Variants in DPYS observed in about 807,000 individuals in gnomAD.
The protein encoded by DPYS is dihydropyrimidinase, also known as dihydropyrimidine amidohydrolase.
Under a neutral mutation model 50.3 loss-of-function variants are expected in DPYS, and 39 were observed. The ratio of observed to expected loss-of-function variants is 0.78; its 90% CI spans 0.60 to 1.01. The LOEUF (loss-of-function observed/expected upper bound fraction) is 1.01. DPYS is among the 50% of genes least tolerant of loss of function. The pLI is 0.00. For synonymous variants in DPYS, 245 were observed against 250.7 expected, an observed-to-expected ratio of 0.98 and a Z score of 0.22; for missense variants, 659 against 680.9, an observed-to-expected ratio of 0.97 and a Z score of 0.36.
At chr8:104,436,727 GT>G (rs777466422) in intron 4 of DPYS, among the ~76,000 whole-genome samples, 2 of 152,092 alleles carry the variant, frequency 1.3e-5, no homozygotes, top group Non-Finnish European at 2.9e-5. Context: ...GAGCCCAATG[GT>G]TCATGCCTGT....
At chr8:104,390,395 T>C (rs1267337071) in intron 8 of DPYS, among the ~76,000 whole-genome samples, 2 of 152,192 alleles carry the variant, frequency 1.3e-5, no homozygotes, top group African/African-American at 2.4e-5. Flanking sequence ...AAGGATAAAG[T>C]TTTTGGAATC....
Position 104,451,342 on chromosome 8 carries a change from G to T in DPYS, c.327C>A (p.Ser109=). 1 of 1,614,142 alleles carries T rather than the reference G, an allele frequency of 6.2e-7. No homozygotes were observed. ...GCCAGGTCTCGAAGGCCTCAATGAG[G>T]GAGCCACCTTTCTGAGGAATGGCGA... ...IDFAIPQKGG[S]LIEAFETWRS... The change falls in exon 2 of 10, where the codon TCC becomes TCA. Residue 109 remains serine, a synonymous_variant. Transcript: ENST00000351513.
chr8:104,426,046 T>TC (rs1157975764), intron 6 of DPYS, among the ~76,000 whole-genome samples: 1 of 152,120 alleles, frequency 6.6e-6, no homozygotes, highest in Admixed American at 6.6e-5. Flanking sequence ...AAACAGAAGT[T>TC]CAAGTGGAAG....
At chr8:104,462,048 G>T (rs557874237) in intron 1 of DPYS, among the ~76,000 whole-genome samples, 28 of 151,988 alleles carry the variant, frequency 1.8e-4, no homozygotes, top group African/African-American at 6.3e-4. Context: ...TTTCTTTTTT[G>T]AAAAAGCAGT....
intron 7 of DPYS, among the ~76,000 whole-genome samples, chr8:104,408,021 C>A (rs922809167): frequency 6.6e-6 from 1 of 152,138 alleles, no homozygotes; most frequent in Admixed American, 6.5e-5. Context: ...GTTTATCATA[C>A]ACTCATTCAT....
At chr8:104,458,036 G>A (rs984351480) in intron 1 of DPYS, among the ~76,000 whole-genome samples, 2 of 152,134 alleles carry the variant, frequency 1.3e-5, no homozygotes, top group Admixed American at 6.5e-5. Context: ...GAAGAAATGA[G>A]AAGGGAGGGA....
intron 7 of DPYS, among the ~76,000 whole-genome samples, chr8:104,402,830 G>A (rs1811864825): frequency 6.6e-6 from 1 of 152,182 alleles, no homozygotes; most frequent in Non-Finnish European, 1.5e-5. Flanking sequence ...CTGGGAAGGT[G>A]ATCACATCCA....
At chr8:104,433,638 A>G (rs1227845560) in intron 4 of DPYS, among the ~76,000 whole-genome samples, 1 of 152,176 alleles carries the variant, frequency 6.6e-6, no homozygotes, top group Non-Finnish European at 1.5e-5. Context: ...TTTTTCCAAA[A>G]AAAAGAGAAG....
intron 7 of DPYS, among the ~76,000 whole-genome samples, chr8:104,417,932 G>GA (rs1812420036): frequency 6.6e-6 from 1 of 152,092 alleles, no homozygotes; most frequent in South Asian, 2.1e-4. Context: ...GATTTAAAAG[G>GA]AAAAAATAAG....
chr8:104,409,875 C>T (rs1812116398), intron 7 of DPYS, among the ~76,000 whole-genome samples: 2 of 152,190 alleles, frequency 1.3e-5, no homozygotes, highest in African/African-American at 4.8e-5. Context: ...GTCCTGCAGC[C>T]AGTACTGGCA....
At chr8:104,411,539 A>G (rs1812175605) in intron 7 of DPYS, among the ~76,000 whole-genome samples, 1 of 152,240 alleles carries the variant, frequency 6.6e-6, no homozygotes, top group Non-Finnish European at 1.5e-5. Flanking sequence ...ATATAACAAA[A>G]ACGTGAAGAA....
intron 4 of DPYS, among the ~76,000 whole-genome samples, chr8:104,435,338 A>C (rs1813101436): frequency 6.6e-6 from 1 of 152,102 alleles, no homozygotes; most frequent in Non-Finnish European, 1.5e-5. Context: ...GCTATGGAGC[A>C]AGGGAGACAA....
At position 104,466,974 on chromosome 8, in the gene DPYS, T is replaced by TG; in HGVS notation, c.-55dup. 6 of 921,788 alleles carry TG rather than the reference T, an allele frequency of 6.5e-6. No individual in the cohort carries two copies. Among genetic ancestry groups the TG allele is most frequent in the Non-Finnish European group, 8.6e-6 (6 of 699,800 alleles). The allele number at this position is 921,788 out of a possible 1,614,324, so 57.1% of individuals were successfully genotyped here. ...CCCGGGCTGCGCGCAGGGGCTGGGT[T>TG]GGGCGGGCCGGGCGGGCTTGGGGTG... On this transcript the variant is annotated 5_prime_UTR_variant, in exon 1 of 10. Transcript: ENST00000351513.
chr8:104,463,513 C>T (rs896875867), intron 1 of DPYS, among the ~76,000 whole-genome samples: 3 of 152,114 alleles, frequency 2.0e-5, no homozygotes, highest in Non-Finnish European at 2.9e-5. Context: ...GCTTTAGCGA[C>T]GGGGTCAGGC....
intron 4 of DPYS, among the ~76,000 whole-genome samples, chr8:104,435,860 T>C (rs886402449): frequency 1.3e-5 from 2 of 151,962 alleles, no homozygotes; most frequent in Non-Finnish European, 2.9e-5. Context: ...GACCGGGGTT[T>C]TGGTAGATTT....
intron 5 of DPYS, chr8:104,429,226 T>A (rs1419565489): frequency 6.3e-6 from 2 of 317,312 alleles, no homozygotes; most frequent in Non-Finnish European, 1.2e-5. Context: ...AGAAAAAAAT[T>A]CAACAATATT....
chr8:104,439,776 C>T (rs1813283008), intron 4 of DPYS, among the ~76,000 whole-genome samples: 2 of 152,068 alleles, frequency 1.3e-5, no homozygotes. Context: ...CAGAGAGACT[C>T]TGTCTCTAAA....
chr8:104,417,492 C>T (rs973560254), intron 7 of DPYS, among the ~76,000 whole-genome samples: 1 of 152,190 alleles, frequency 6.6e-6, no homozygotes, highest in African/African-American at 2.4e-5. Context: ...ACATGAAAAG[C>T]ATGTTCCTGA....
At chr8:104,462,215 T>A (rs530601791) in intron 1 of DPYS, among the ~76,000 whole-genome samples, 152 of 152,236 alleles carry the variant, frequency 1.0e-3, no homozygotes, top group African/African-American at 3.5e-3. Context: ...ATGCTGACAA[T>A]CCTGAGAGAG....
Sources: gnomAD v4.1 joint callset for allele counts (sites outside exome capture counted in the v4.1 genomes callset) on GRCh38, gnomAD v4.1.1 for gene constraint, MANE v1.5 for transcripts, NCBI Gene and HGNC (gene_info 2026-07-23, HGNC 2026-07-21) for gene names.